Variants in DCDC1 observed in about 807,000 individuals in gnomAD.
DCDC1 encodes the protein doublecortin domain-containing protein 1.
DCDC1 carries 200 observed loss-of-function variants against 178.3 expected under a neutral mutation model. The observed-to-expected ratio is 1.12, with a 90% CI of 1.00 to 1.26. The LOEUF is 1.26. Ranked by LOEUF, DCDC1 falls within the 50% of genes most tolerant of loss-of-function variation. DCDC1 has a pLI of 0.00. For synonymous variants in DCDC1, 690 were observed against 604.8 expected, an observed-to-expected ratio of 1.14 and a Z score of -2.07; for missense variants, 1,983 against 1,749.2, an observed-to-expected ratio of 1.13 and a Z score of -2.38.
chr11:31,125,424 G>A (rs1170031900), intron 11 of DCDC1, among the ~76,000 whole-genome samples: 1 of 151,946 alleles, frequency 6.6e-6, no homozygotes, highest in Non-Finnish European at 1.5e-5. Flanking sequence ...CTCATTACTG[G>A]GTATATACCT....
At chr11:31,264,925 A>G (rs11824587) in intron 8 of DCDC1, among the ~76,000 whole-genome samples, 36,194 of 152,028 alleles carry the variant, frequency 0.24, 4,378 homozygotes, top group East Asian at 0.3. Context: ...TGGCCATGGT[A>G]TGAGCACCTA....
At chr11:31,168,054 T>C (rs1252830128) in intron 9 of DCDC1, among the ~76,000 whole-genome samples, 1 of 152,178 alleles carries the variant, frequency 6.6e-6, no homozygotes, top group Non-Finnish European at 1.5e-5. Context: ...CTCTCCCTAA[T>C]ACAATGTACT....
At chr11:31,158,654 G>T (rs1183544790) in intron 9 of DCDC1, among the ~76,000 whole-genome samples, 1 of 152,000 alleles carries the variant, frequency 6.6e-6, no homozygotes, top group Admixed American at 6.5e-5. Flanking sequence ...ACAAATTGGA[G>T]AAGAAGAACA....
chr11:31,177,123 TA>T (rs948237768), intron 9 of DCDC1, among the ~76,000 whole-genome samples: 3 of 151,928 alleles, frequency 2.0e-5, no homozygotes, highest in Non-Finnish European at 2.9e-5. Flanking sequence ...TATAATAGAT[TA>T]AAAAAATAAA....
intron 9 of DCDC1, among the ~76,000 whole-genome samples, chr11:31,152,827 T>G (rs1965310244): frequency 6.6e-6 from 1 of 152,102 alleles, no homozygotes; most frequent in Non-Finnish European, 1.5e-5. Context: ...GCTAATTGGC[T>G]CAGTCCTGAC....
intron 20 of DCDC1, among the ~76,000 whole-genome samples, chr11:30,968,036 C>T (rs996189878): frequency 6.6e-6 from 1 of 152,120 alleles, no homozygotes; most frequent in Non-Finnish European, 1.5e-5. Context: ...GAAACACCAT[C>T]CAACACATTT....
intron 7 of DCDC1, among the ~76,000 whole-genome samples, chr11:31,283,906 T>C (rs1946632522): frequency 6.6e-6 from 1 of 152,124 alleles, no homozygotes; most frequent in African/African-American, 2.4e-5. Context: ...GTCTTTCTCT[T>C]CAGTTTATGG....
chr11:30,928,474 C>G, intron 22 of DCDC1, among the ~76,000 whole-genome samples: 1 of 150,886 alleles, frequency 6.6e-6, no homozygotes, highest in East Asian at 2.0e-4. Context: ...TTAATTCAAG[C>G]AAATATAAAC....
At chr11:30,941,513 A>G (rs1947639514) in intron 21 of DCDC1, among the ~76,000 whole-genome samples, 1 of 152,090 alleles carries the variant, frequency 6.6e-6, no homozygotes, top group Admixed American at 6.6e-5. Context: ...CTATTTTCCT[A>G]GAGATCTGCT....
intron 17 of DCDC1, among the ~76,000 whole-genome samples, chr11:31,085,052 A>C (rs1017880864): frequency 1.8e-4 from 27 of 151,692 alleles, no homozygotes; most frequent in Admixed American, 1.7e-3. Context: ...TGCCATTTTG[A>C]CCTAGGCCAT....
chr11:31,075,267 C>A (rs1358072861), intron 18 of DCDC1, among the ~76,000 whole-genome samples: 1 of 152,188 alleles, frequency 6.6e-6, no homozygotes, highest in East Asian at 1.9e-4. Flanking sequence ...TGTATATATA[C>A]CACATTTTCT....
At chr11:30,920,201 G>T (rs1380530042) in intron 25 of DCDC1, among the ~76,000 whole-genome samples, 1 of 152,140 alleles carries the variant, frequency 6.6e-6, no homozygotes, top group Admixed American at 6.5e-5. Flanking sequence ...GCAAATGAGG[G>T]TCAATGACAG....
At chr11:31,233,580 G>C (rs979783149) in intron 9 of DCDC1, among the ~76,000 whole-genome samples, 3 of 152,192 alleles carry the variant, frequency 2.0e-5, no homozygotes, top group African/African-American at 7.2e-5. Flanking sequence ...ACACTATATA[G>C]TTCACTTATA....
chr11:31,187,693 T>C (rs1042642094), intron 9 of DCDC1, among the ~76,000 whole-genome samples: 1 of 152,146 alleles, frequency 6.6e-6, no homozygotes, highest in African/African-American at 2.4e-5. Flanking sequence ...AGTCCAACAC[T>C]AGTTAGGAAA....
At position 31,102,227 on chromosome 11, in the gene DCDC1, G is replaced by GT. The variant is rs752270297; in HGVS notation, c.1932dup (p.Pro645ThrfsTer2). Reference sequence around the variant, plus strand: ...AAGTCCACCTTTTCAAACTGGTCAGGTATCTGTTGACTGGTACAGTTGAAA... The same window carrying GT: ...AAGTCCACCTTTTCAAACTGGTCAGGTTATCTGTTGACTGGTACAGTTGAAA... On this transcript the variant is annotated frameshift_variant, in exon 15 of 39. Transcript: ENST00000684477. LOFTEE classifies it high-confidence loss of function. The GT allele has an allele frequency of 2.4e-5, 18 of 740,704 alleles. No individual in the cohort carries two copies. In the African/African-American group the frequency reaches 3.1e-4, roughly 13 times the overall value. 45.9% of individuals were successfully genotyped at this position (740,704 alleles called of 1,614,324 possible).
At position 30,935,230 on chromosome 11, in the gene DCDC1, C is replaced by T. The variant is rs1290200518; in HGVS notation, c.2716-3278G>A. 2.6e-5 allele frequency among the ~76,000 whole-genome samples: 4 copies of T among 152,124 alleles called. No individual in the cohort carries two copies. The East Asian group carries it at 7.7e-4, about 29-fold the overall frequency. ...TACTTACCCTATGTTACTGTCCAAC[C>T]CTGAAATTGGGTAGTCCATCATACG... is the stretch of plus-strand genomic sequence containing the variant. On this transcript the variant is annotated intron_variant, in intron 21 of 38. Transcript: ENST00000684477.
At chr11:31,051,058 C>T (rs1428054809) in intron 20 of DCDC1, among the ~76,000 whole-genome samples, 4 of 151,934 alleles carry the variant, frequency 2.6e-5, no homozygotes, top group Non-Finnish European at 5.9e-5. Context: ...AAAGGCAAAG[C>T]CCAATCCAAG....
chr11:31,094,283 T>C (rs921879091), intron 15 of DCDC1, 99 bp from the exon 16 acceptor site: 2 of 674,788 alleles, frequency 3.0e-6, no homozygotes, highest in Non-Finnish European at 5.4e-6. Context: ...ACATTATTTA[T>C]TCTGATTGAT....
intron 34 of DCDC1, among the ~76,000 whole-genome samples, chr11:30,895,651 T>C (rs962571500): frequency 6.6e-6 from 1 of 152,158 alleles, no homozygotes; most frequent in Non-Finnish European, 1.5e-5. Flanking sequence ...GAAATGCTTA[T>C]TATGTCCCTA....
Sources: allele counts gnomAD v4.1 joint callset (sites outside exome capture counted in the v4.1 genomes callset), GRCh38; gene constraint gnomAD v4.1.1; transcripts MANE v1.5; gene names NCBI Gene and HGNC (gene_info 2026-07-23, HGNC 2026-07-21).